Variants in EPG5 observed in about 807,000 individuals in gnomAD.
EPG5 encodes the protein ectopic P granules protein 5 homolog.
EPG5 carries 159 observed loss-of-function variants against 302.7 expected under a neutral mutation model. The observed-to-expected ratio is 0.53, with a 90% CI of 0.46 to 0.60. EPG5 has a LOEUF of 0.60. EPG5 is among the 20% of genes least tolerant of loss of function. The pLI is 0.00. For synonymous variants in EPG5, 1,158 were observed against 1,136.8 expected (o/e 1.02, Z -0.37); for missense variants, 2,896 against 3,092.4 (o/e 0.94, Z 1.51).
At chr18:45,929,358 C>T (rs1210151718) in intron 12 of EPG5, among the ~76,000 whole-genome samples, 1 of 152,170 alleles carries the variant, frequency 6.6e-6, no homozygotes, top group Non-Finnish European at 1.5e-5. Context: ...GAATGCATTT[C>T]ATGGAAATGC....
At chr18:45,824,455 C>T in the EPG5 span, among the ~76,000 whole-genome samples, 1 of 152,216 alleles carries the variant, frequency 6.6e-6, no homozygotes, top group African/African-American at 2.4e-5. Context: ...ATCTGCCCGC[C>T]TCAGCCTCCC....
chr18:45,927,602 A>G (rs977442020), intron 13 of EPG5, among the ~76,000 whole-genome samples: 154 of 146,118 alleles, frequency 1.1e-3, no homozygotes, highest in African/African-American at 3.0e-3. Flanking sequence ...ATACACACAC[A>G]CACACACACA....
At chr18:45,838,788 C>G in the EPG5 span, 4 of 1,564,112 alleles carry the variant, frequency 2.6e-6, no homozygotes, top group Non-Finnish European at 3.4e-6. Flanking sequence ...TCTGCACTGC[C>G]GAAGGGGAGC....
the EPG5 span, among the ~76,000 whole-genome samples, chr18:45,802,132 C>A: frequency 1.3e-5 from 2 of 152,126 alleles, no homozygotes; most frequent in African/African-American, 4.8e-5. Context: ...GATGGAGTGG[C>A]CCTTCCTTGG....
At position 45,930,833 on chromosome 18, in the gene EPG5, G is replaced by A; in HGVS notation, c.2258-3C>T. On this transcript the variant is annotated splice_region_variant and splice_polypyrimidine_tract_variant and intron_variant, in intron 11 of 43. Transcript: ENST00000282041. ...AAAGTTGGTAAAATGTTCTGGGTCT[G>A]CAAGTTCATATCAAGAAAATTAGAG... 1 of 1,580,964 alleles carries A rather than the reference G, an allele frequency of 6.3e-7. No individual in the cohort carries two copies. Among genetic ancestry groups the A allele is most frequent in the Non-Finnish European group, 8.5e-7 (1 of 1,169,760 alleles).
chr18:45,839,034 C>T, the EPG5 span: 5 of 1,568,100 alleles, frequency 3.2e-6, no homozygotes, highest in East Asian at 7.3e-5. Flanking sequence ...TCGGCGCTCT[C>T]GGCTTCAAGG....
At chr18:45,918,924 T>C (rs759412277) in intron 16 of EPG5, among the ~76,000 whole-genome samples, 1 of 152,228 alleles carries the variant, frequency 6.6e-6, no homozygotes, top group Non-Finnish European at 1.5e-5. Context: ...AGTTTGGTTA[T>C]ACTGCTTTAA....
the EPG5 span, among the ~76,000 whole-genome samples, chr18:45,821,547 G>T: frequency 6.6e-6 from 1 of 152,116 alleles, no homozygotes; most frequent in Non-Finnish European, 1.5e-5. Context: ...TACATCTGGG[G>T]AAAGATTTGA....
At chr18:45,906,235 T>G (rs2049748316) in intron 24 of EPG5, among the ~76,000 whole-genome samples, 1 of 152,248 alleles carries the variant, frequency 6.6e-6, no homozygotes, top group South Asian at 2.1e-4. Flanking sequence ...TATCTGATTC[T>G]TCCTCGATAT....
At chr18:45,884,941 A>G (rs1375334349) in intron 29 of EPG5, 130 bp from the exon 30 acceptor site, 1 of 579,580 alleles carries the variant, frequency 1.7e-6, no homozygotes, top group Non-Finnish European at 2.9e-6. Flanking sequence ...TGAAACAATC[A>G]AAAGACAGCT....
rs61311380 is a variant in EPG5 at position 45,887,170 on chromosome 18, C to T, written c.5109+581G>A. Among the ~76,000 whole-genome samples, 24 of 152,096 alleles carry T rather than the reference C, an allele frequency of 1.6e-4. No individual in the cohort carries two copies. In the East Asian group the frequency reaches 4.5e-3, roughly 28 times the overall value. ...ACATTTCATAAATCTGTATGATTAC[C>T]CTTACCCTTATTAAATATCTATCTA... is the stretch of plus-strand genomic sequence containing the variant. On this transcript the variant is annotated intron_variant, in intron 29 of 43. Transcript: ENST00000282041.
rs755230600 is a variant in EPG5 at position 45,879,153 on chromosome 18, T to C, written c.5729A>G (p.Asp1910Gly). The C allele has an allele frequency of 6.2e-7, 1 of 1,614,082 alleles. No individual in the cohort carries two copies. Among genetic ancestry groups the C allele is most frequent in the Non-Finnish European group, 8.5e-7 (1 of 1,180,004 alleles). The change falls in exon 33 of 44, where the codon GAC (aspartate) becomes GGC (glycine). Residue 1910 changes from aspartate to glycine, a missense_variant. Asp to Gly is a moderately conservative substitution (Grantham distance 94). Transcript: ENST00000282041. ...FFYKLRLSKM[D>G]FKSFGLFSKW... The stretch of plus-strand genomic sequence containing the variant: ...TGAGAATAAACCAAAGCTTTTAAAG[T>C]CCATCTTGGATAACCGAAGCTTATA...
At chr18:45,929,089 G>A in intron 12 of EPG5, 80 bp from the exon 13 acceptor site, 9 of 1,394,190 alleles carry the variant, frequency 6.5e-6, no homozygotes, top group Non-Finnish European at 7.9e-6. Flanking sequence ...ATTTTTTCAA[G>A]CAAAGCAGAA....
chr18:45,821,172 T>C, the EPG5 span, among the ~76,000 whole-genome samples: 2 of 152,232 alleles, frequency 1.3e-5, no homozygotes, highest in Non-Finnish European at 2.9e-5. Flanking sequence ...TTGATGACTA[T>C]CAGCTAAGCA....
rs1199400757 is a variant in EPG5 at position 45,908,912 on chromosome 18, G to C, written c.4206-831C>G. 2.0e-5 allele frequency among the ~76,000 whole-genome samples: 3 copies of C among 151,032 alleles called. No homozygotes were observed. In the South Asian group the frequency reaches 6.3e-4, roughly 32 times the overall value. Reference sequence around the variant, plus strand: ...TGCAGTGAGCCAAGATTGTGCCACTGCACTTCAGCCTGGGTGACAGAGCAA... The same window carrying C: ...TGCAGTGAGCCAAGATTGTGCCACTCCACTTCAGCCTGGGTGACAGAGCAA... On this transcript the variant is annotated intron_variant, in intron 23 of 43. Transcript: ENST00000282041.
At position 45,922,477 on chromosome 18, in the gene EPG5, A is replaced by T. The variant is rs1599578587; in HGVS notation, c.2962T>A (p.Cys988Ser). ...HKNDYGIQPN[C>S]PAVPFSVTVP... ...GTGACGGAGAAGGGAACAGCTGGAC[A>T]ATTCGGCTGTATTCCATAATCGTTT... The change falls in exon 16 of 44, where the codon TGT (cysteine) becomes AGT (serine). Residue 988 changes from cysteine to serine, a missense_variant. Physicochemically the swap from Cys to Ser is moderately radical, Grantham distance 112 (BLOSUM62 -1). Coordinates refer to ENST00000282041, the MANE Select transcript of EPG5 (RefSeq NM_020964.3). 1.2e-6 allele frequency: 2 copies of T among 1,614,236 alleles called. No homozygotes were observed. Among genetic ancestry groups the T allele is most frequent in the Non-Finnish European group, 1.7e-6 (2 of 1,180,046 alleles).
intron 30 of EPG5, among the ~76,000 whole-genome samples, chr18:45,883,616 T>G (rs1304830124): frequency 3.6e-5 from 2 of 55,968 alleles, no homozygotes; most frequent in African/African-American, 8.0e-5. Context: ...AGCCTGGTGT[T>G]TTTTTTTTTT....
chr18:45,814,888 A>T, the EPG5 span, among the ~76,000 whole-genome samples: 1 of 152,234 alleles, frequency 6.6e-6, no homozygotes, highest in Non-Finnish European at 1.5e-5. Context: ...ACACCCCCAC[A>T]GCTTTGACCC....
In EPG5 at chr18:45,887,906, C is replaced by T; in HGVS notation, c.4954G>A (p.Ala1652Thr). 1 of 1,551,022 alleles carries T rather than the reference C, an allele frequency of 6.4e-7. No individual in the cohort carries two copies. Among genetic ancestry groups the T allele is most frequent in the Non-Finnish European group, 8.8e-7 (1 of 1,135,804 alleles). Reference protein sequence around the residue: ...AAVHAENLITALVNAYKLQPT... With the variant: ...AAVHAENLITTLVNAYKLQPT... ...TGCAACTTGTAGGCATTCACTAAGGCCCTGTGGGAAAATGTGGGTAAGACT... is the reference window on the plus strand; with the variant it reads ...TGCAACTTGTAGGCATTCACTAAGGTCCTGTGGGAAAATGTGGGTAAGACT... The change falls in exon 29 of 44, where the codon GCC becomes ACC. Residue 1652 changes from alanine to threonine, a missense_variant and splice_region_variant. Around this residue, in one of 5 missense-constraint regions of EPG5, gnomAD observed 790 missense variants for 798.0 expected, o/e 0.99. Coordinates refer to ENST00000282041, the MANE Select transcript of EPG5 (RefSeq NM_020964.3).
Sources: gnomAD v4.1 joint callset for allele counts (sites outside exome capture counted in the v4.1 genomes callset) on GRCh38, gnomAD v4.1.1 for gene constraint, gnomAD v4.1.1 regional missense constraint, MANE v1.5 for transcripts, NCBI Gene and HGNC (gene_info 2026-07-23, HGNC 2026-07-21) for gene names.